PDE3A: variants seen among roughly 807,000 people sequenced by gnomAD.
The protein encoded by PDE3A is cGMP-inhibited 3',5'-cyclic phosphodiesterase 3A.
Under a neutral mutation model 98.3 loss-of-function variants are expected in PDE3A, and 43 were observed. The observed-to-expected ratio is 0.44, with a 90% CI of 0.34 to 0.56. The LOEUF is 0.56. Among genes scored for constraint, PDE3A ranks in the 20% least tolerant of loss-of-function variants. The pLI is 0.01. For synonymous variants in PDE3A, 663 were observed against 567.9 expected, an observed-to-expected ratio of 1.17 and a Z score of -2.38; for missense variants, 1,427 against 1,440.7, an observed-to-expected ratio of 0.99 and a Z score of 0.15.
intron 1 of PDE3A, among the ~76,000 whole-genome samples, chr12:20,392,592 G>A (rs1326350336): frequency 2.0e-5 from 3 of 151,698 alleles, no homozygotes; most frequent in Non-Finnish European, 2.9e-5. Context: ...ACAGTATGGA[G>A]GTTCCTCAAA....
chr12:20,634,905 A>T lies in PDE3A; in HGVS notation c.1850A>T (p.Asp617Val), dbSNP rs777594448. 1 of 1,606,488 alleles carries T rather than the reference A, an allele frequency of 6.2e-7. No homozygotes were observed. Among genetic ancestry groups the T allele is most frequent in the South Asian group, 1.1e-5 (1 of 90,920 alleles). ...VATRTPSRTD[D>V]TAQVTSDYET... ...AGTTGTTCTCTTTTAATTGTAGATG[A>T]CACTGCTCAAGTTACCTCTGATTAT... Residue 617 changes from aspartate (D) to valine (V), a missense_variant, in exon 8 of 16, where the codon GAC becomes GTC. This residue lies in a region of PDE3A where 1,012 missense variants were observed against 886.5 expected (regional missense o/e 1.14). Transcript: ENST00000359062.
rs139316283 is a variant in PDE3A at position 20,579,796 on chromosome 12, T to C, written c.1011+23086T>C. Among the ~76,000 whole-genome samples the C allele has an allele frequency of 8.1e-4, 123 of 152,254 alleles. 1 individual carries two copies. Among genetic ancestry groups the C allele is most frequent in the African/African-American group, 2.9e-3 (122 of 41,560 alleles). ...TCAGAGTTGCGCATTAGGTAATGCTTTGGTAAAAATCAAAGGTTCTTAGGC... is the reference window on the plus strand; with the variant it reads ...TCAGAGTTGCGCATTAGGTAATGCTCTGGTAAAAATCAAAGGTTCTTAGGC... On this transcript the variant is annotated intron_variant, in intron 2 of 15. Coordinates refer to ENST00000359062, the MANE Select transcript of PDE3A (RefSeq NM_000921.5).
intron 2 of PDE3A, among the ~76,000 whole-genome samples, chr12:20,564,477 G>C (rs958884880): frequency 6.6e-6 from 1 of 152,088 alleles, no homozygotes; most frequent in Non-Finnish European, 1.5e-5. Context: ...TCATTTCATT[G>C]TGAAGTAGTT....
At chr12:20,496,689 A>G (rs938194378) in intron 1 of PDE3A, among the ~76,000 whole-genome samples, 1 of 152,220 alleles carries the variant, frequency 6.6e-6, no homozygotes, top group Non-Finnish European at 1.5e-5. Context: ...TTTAAGAAGT[A>G]TACTTTTTTA....
At chr12:20,634,768 G>A in intron 7 of PDE3A, 134 bp from the exon 8 acceptor site, 1 of 668,658 alleles carries the variant, frequency 1.5e-6, no homozygotes, top group Non-Finnish European at 2.7e-6. Flanking sequence ...ATGATCCTAT[G>A]TTCTTGGAGT....
intron 2 of PDE3A, among the ~76,000 whole-genome samples, chr12:20,612,719 TAAAC>T (rs1330029230): frequency 1.6e-3 from 8 of 4,912 alleles, no homozygotes; most frequent in African/African-American, 3.0e-3. Context: ...ATATAAGTAA[TAAAC>T]TATATGTAAG....
chr12:20,492,922 A>G (rs550830429), intron 1 of PDE3A, among the ~76,000 whole-genome samples: 3 of 152,128 alleles, frequency 2.0e-5, no homozygotes, highest in Non-Finnish European at 4.4e-5. Context: ...AAGACTTACA[A>G]GCAAAAAGCA....
chr12:20,636,232 G>A (rs1200478319), intron 8 of PDE3A, among the ~76,000 whole-genome samples: 43 of 152,170 alleles, frequency 2.8e-4, no homozygotes. Context: ...ATCCATTTAA[G>A]GAGGATGGAA....
intron 1 of PDE3A, among the ~76,000 whole-genome samples, chr12:20,527,738 C>A (rs1203925048): frequency 6.6e-6 from 1 of 152,068 alleles, no homozygotes; most frequent in African/African-American, 2.4e-5. Flanking sequence ...GACAAAGAAC[C>A]CAGTCTCTTG....
chr12:20,383,118 T>A (rs1565531279), intron 1 of PDE3A, among the ~76,000 whole-genome samples: 1 of 151,804 alleles, frequency 6.6e-6, no homozygotes, highest in Non-Finnish European at 1.5e-5. Context: ...TTTAAAAAAA[T>A]TGGTGGAGTC....
chr12:20,480,049 G>C (rs1389906506), intron 1 of PDE3A, among the ~76,000 whole-genome samples: 1 of 152,032 alleles, frequency 6.6e-6, no homozygotes, highest in African/African-American at 2.4e-5. Context: ...TTTGCCTATG[G>C]GGCCAGCAGT....
chr12:20,638,807 A>G (rs956299584), intron 9 of PDE3A, among the ~76,000 whole-genome samples: 2 of 151,846 alleles, frequency 1.3e-5, no homozygotes, highest in Non-Finnish European at 2.9e-5. Context: ...TATTTGATGT[A>G]TATCTCACAG....
intron 1 of PDE3A, among the ~76,000 whole-genome samples, chr12:20,449,311 C>T (rs1156922176): frequency 1.3e-5 from 2 of 152,130 alleles, no homozygotes; most frequent in African/African-American, 4.8e-5. Flanking sequence ...TTAACAGTTG[C>T]TTCAGAAAAT....
chr12:20,679,253 A>C (rs1945709909), intron 15 of PDE3A, among the ~76,000 whole-genome samples: 1 of 152,128 alleles, frequency 6.6e-6, no homozygotes, highest in African/African-American at 2.4e-5. Context: ...TTTTTAGTTT[A>C]TTTTATTTTT....
chr12:20,380,620 A>G (rs1247289588), intron 1 of PDE3A, among the ~76,000 whole-genome samples: 1 of 151,820 alleles, frequency 6.6e-6, no homozygotes, highest in Non-Finnish European at 1.5e-5. Flanking sequence ...TAGATGAACT[A>G]GGAATACAAT....
chr12:20,455,324 T>C (rs1485235971), intron 1 of PDE3A, among the ~76,000 whole-genome samples: 2 of 152,198 alleles, frequency 1.3e-5, no homozygotes, highest in Non-Finnish European at 2.9e-5. Flanking sequence ...TCTTTTCTTG[T>C]GAGTTTAGGT....
chr12:20,582,499 G>A (rs1565438126), intron 2 of PDE3A, among the ~76,000 whole-genome samples: 1 of 152,046 alleles, frequency 6.6e-6, no homozygotes, highest in Non-Finnish European at 1.5e-5. Context: ...AATAACACAT[G>A]CTGCATGATT....
chr12:20,676,973 T>A (rs1250827463), intron 15 of PDE3A, among the ~76,000 whole-genome samples: 1 of 152,214 alleles, frequency 6.6e-6, no homozygotes, highest in Non-Finnish European at 1.5e-5. Context: ...TTATTTTCTT[T>A]TCACCTTCTG....
chr12:20,585,447 C>A (rs947483157), intron 2 of PDE3A, among the ~76,000 whole-genome samples: 2 of 152,228 alleles, frequency 1.3e-5, no homozygotes, highest in African/African-American at 4.8e-5. Context: ...TTCCCATTCT[C>A]ATGTTCTGCT....
Sources: gnomAD v4.1 joint callset for allele counts (sites outside exome capture counted in the v4.1 genomes callset) on GRCh38, gnomAD v4.1.1 for gene constraint, gnomAD v4.1.1 regional missense constraint, MANE v1.5 for transcripts, NCBI Gene and HGNC (gene_info 2026-07-23, HGNC 2026-07-21) for gene names.